Variants in ZC3H13 observed in about 807,000 individuals in gnomAD.
ZC3H13 encodes zinc finger CCCH-type containing 13, also known as zinc finger CCCH domain-containing protein 13.
Under a neutral mutation model 204.1 loss-of-function variants are expected in ZC3H13, and 64 were observed. The observed-to-expected ratio is 0.31, with a 90% CI of 0.26 to 0.39. The LOEUF (loss-of-function observed/expected upper bound fraction) is 0.39. ZC3H13 is among the 10% of genes least tolerant of loss of function. The pLI is 1.00. For synonymous variants in ZC3H13, 667 were observed against 693.7 expected, an observed-to-expected ratio of 0.96 and a Z score of 0.60; for missense variants, 1,833 against 2,082.7, an observed-to-expected ratio of 0.88 and a Z score of 2.33.
intron 9 of ZC3H13, among the ~76,000 whole-genome samples, chr13:45,987,090 T>C (rs978361393): frequency 1.3e-5 from 2 of 152,356 alleles, no homozygotes; most frequent in South Asian, 2.1e-4. Flanking sequence ...CTTTTTCTCA[T>C]GATGCGCCCA....
At chr13:45,961,559 TG>T (rs1442007614) in intron 17 of ZC3H13, among the ~76,000 whole-genome samples, 1 of 6,304 alleles carries the variant, frequency 1.6e-4, no homozygotes, top group Non-Finnish European at 3.1e-4. Context: ...TGGGGAGATG[TG>T]GGGGTGGGGA....
At chr13:45,959,355 C>T (rs1951513271) in intron 18 of ZC3H13, 128 bp downstream of exon 18, 3 of 851,030 alleles carry the variant, frequency 3.5e-6, no homozygotes, top group Non-Finnish European at 4.9e-6. Flanking sequence ...CTTCTTTTTA[C>T]ATGTATAAAA....
chr13:45,989,160 A>G, intron 8 of ZC3H13, 63 bp from the exon 9 acceptor site: 1 of 1,471,164 alleles, frequency 6.8e-7, no homozygotes, highest in Admixed American at 2.2e-5. Flanking sequence ...GCCAAAGGAA[A>G]ATCTTTAAAA....
At chr13:45,970,611 T>C in intron 12 of ZC3H13, 146 bp from the exon 13 acceptor site, 1 of 595,492 alleles carries the variant, frequency 1.7e-6, no homozygotes, top group Non-Finnish European at 2.9e-6. Context: ...CAAAGGATAT[T>C]CAGTGTCTTT....
At chr13:45,980,936 A>G (rs1953529544) in intron 10 of ZC3H13, among the ~76,000 whole-genome samples, 1 of 152,234 alleles carries the variant, frequency 6.6e-6, no homozygotes, top group African/African-American at 2.4e-5. Flanking sequence ...GATTGTACCA[A>G]TGTCAATTGT....
intron 14 of ZC3H13, 147 bp downstream of exon 14, chr13:45,968,601 T>C (rs1423334828): frequency 4.1e-6 from 4 of 965,858 alleles, no homozygotes; most frequent in Non-Finnish European, 5.9e-6. Context: ...AACATTTTGA[T>C]AGGGCAGCTA....
intron 1 of ZC3H13, among the ~76,000 whole-genome samples, chr13:46,047,854 A>G (rs1159133145): frequency 1.3e-5 from 2 of 151,848 alleles, no homozygotes; most frequent in East Asian, 3.9e-4. Context: ...AATAGGTTCC[A>G]AAATTTCCTT....
At position 45,979,798 on chromosome 13, in the gene ZC3H13, TTC is replaced by T; in HGVS notation, c.1912+13_1912+14del. 1.9e-6 allele frequency: 3 copies of T among 1,545,818 alleles called. No homozygotes were observed. The highest frequency in any genetic ancestry group is 2.6e-6 in the Non-Finnish European group (3 of 1,152,210). ...TGATATTGTTCACTATTTAATAAAA[TTC>T]TGTTTGACAAACCTCTCTCTCTGTT... On this transcript the variant is annotated intron_variant, in intron 11 of 18. Coordinates refer to ENST00000679008, the MANE Select transcript of ZC3H13 (RefSeq NM_001330564.2).
intron 4 of ZC3H13, among the ~76,000 whole-genome samples, chr13:46,041,733 T>C (rs1029336563): frequency 3.3e-5 from 5 of 152,194 alleles, no homozygotes; most frequent in Non-Finnish European, 7.4e-5. Context: ...GTGCTTTCTT[T>C]TACCTCAACT....
chr13:46,025,312 G>A (rs2042477054), intron 4 of ZC3H13, among the ~76,000 whole-genome samples: 2 of 151,612 alleles, frequency 1.3e-5, no homozygotes, highest in East Asian at 1.9e-4. Flanking sequence ...CCCATCTATC[G>A]ATCTATCTAC....
rs1417260804 is a variant in ZC3H13, at chr13:45,958,101, T to C, written c.4840-804A>G. On this transcript the variant is annotated intron_variant, in intron 18 of 18. Transcript: ENST00000679008. The stretch of plus-strand genomic sequence containing the variant: ...AACCAGACTTTTAAGTGAGGAAAAC[T>C]TGATTATACAGTCAAGACATGTTTT... Among the ~76,000 whole-genome samples the C allele has an allele frequency of 2.0e-5, 3 of 152,324 alleles. 1 individual carries two copies. The highest frequency in any genetic ancestry group is 2.0e-4 in the Admixed American group (3 of 15,298).
chr13:45,981,289 C>A (rs1160507896), intron 10 of ZC3H13, among the ~76,000 whole-genome samples: 1 of 152,192 alleles, frequency 6.6e-6, no homozygotes, highest in Middle Eastern at 3.2e-3. Context: ...CCAATTTCAT[C>A]CATGTCCCTA....
At position 45,985,648 on chromosome 13, in the gene ZC3H13, C is replaced by G; in HGVS notation, c.1369G>C (p.Asp457His). The G allele has an allele frequency of 1.2e-6, 2 of 1,613,978 alleles. No homozygotes were observed. Among genetic ancestry groups the G allele is most frequent in the Middle Eastern group, 1.6e-4 (1 of 6,062 alleles). Residue 457 changes from aspartate (D) to histidine (H), a missense_variant, in exon 10 of 19, where the codon GAT (aspartate) becomes CAT (histidine). Physicochemically the swap from Asp to His is moderately conservative, Grantham distance 81. This residue lies in a region of ZC3H13 where 1,574 missense variants were observed against 1,757.2 expected (regional missense o/e 0.90). Transcript: ENST00000679008. The part of the protein sequence containing the change: ...RDDREPRDGR[D>H]RRDARDTRDR... ...CTAGTATCTCTGGCATCTCTCCGATCCCGACCATCTCGAGGTTCTCTGTCA... is the reference window on the plus strand; with the variant it reads ...CTAGTATCTCTGGCATCTCTCCGATGCCGACCATCTCGAGGTTCTCTGTCA...
chr13:46,002,006 G>A (rs1593618706), intron 8 of ZC3H13, among the ~76,000 whole-genome samples: 2 of 149,664 alleles, frequency 1.3e-5, no homozygotes, highest in Admixed American at 1.3e-4. Context: ...TCTTATCTCT[G>A]TTAAGGGGTT....
chr13:46,016,723 C>T (rs898999638), intron 5 of ZC3H13, among the ~76,000 whole-genome samples: 3 of 152,032 alleles, frequency 2.0e-5, no homozygotes, highest in African/African-American at 7.2e-5. Flanking sequence ...TTCCTCTGAA[C>T]GTATAGTATA....
chr13:46,003,464 A>C, intron 7 of ZC3H13, 128 bp from the exon 8 acceptor site: 1 of 751,400 alleles, frequency 1.3e-6, no homozygotes, highest in Non-Finnish European at 2.0e-6. Flanking sequence ...CTACTAACCA[A>C]TATCAAGAAG....
At chr13:46,001,137 T>C (rs2138477269) in intron 8 of ZC3H13, 1 of 152,316 alleles carries the variant, frequency 6.6e-6, no homozygotes, top group South Asian at 2.1e-4. Flanking sequence ...ATTTCAAGAA[T>C]TACAGAGACA....
At chr13:46,049,269 T>G (rs1302416587) in intron 1 of ZC3H13, among the ~76,000 whole-genome samples, 1 of 151,902 alleles carries the variant, frequency 6.6e-6, no homozygotes, top group East Asian at 1.9e-4. Context: ...GGTCCTGGAC[T>G]GAACATTTAA....
intron 10 of ZC3H13, among the ~76,000 whole-genome samples, chr13:45,980,282 A>C (rs989499135): frequency 6.6e-5 from 10 of 151,658 alleles, no homozygotes; most frequent in East Asian, 1.9e-4. Context: ...CTGTCCCCCC[A>C]AAAAAAACAA....
Sources: allele counts gnomAD v4.1 joint callset (sites outside exome capture counted in the v4.1 genomes callset), GRCh38; gene constraint gnomAD v4.1.1; regional missense constraint gnomAD v4.1.1; transcripts MANE v1.5; gene names NCBI Gene and HGNC (gene_info 2026-07-23, HGNC 2026-07-21).